The following CACNG2 variants were observed in gnomAD, a reference collection of about 807,000 sequenced individuals.
CACNG2 encodes calcium voltage-gated channel auxiliary subunit gamma 2.
CACNG2 carries 3 observed loss-of-function variants against 25.9 expected under a neutral mutation model. That is an observed-to-expected ratio of 0.12 (90% confidence interval 0.05 to 0.30). The LOEUF (loss-of-function observed/expected upper bound fraction) is 0.30. CACNG2 is among the 10% of genes least tolerant of loss of function. The pLI is 1.00. For synonymous variants in CACNG2, 167 were observed against 173.3 expected (o/e 0.96, Z 0.29); for missense variants, 341 against 432.5 (o/e 0.79, Z 1.88).
intron 2 of CACNG2, among the ~76,000 whole-genome samples, chr22:36,570,563 C>T (rs2145909101): frequency 6.6e-6 from 1 of 152,048 alleles, no homozygotes; most frequent in East Asian, 1.9e-4. Context: ...AGTTCGAGAC[C>T]AGCCTGGCTA....
intron 1 of CACNG2, among the ~76,000 whole-genome samples, chr22:36,659,689 G>T (rs543606903): frequency 1.3e-5 from 2 of 152,042 alleles, no homozygotes; most frequent in Non-Finnish European, 2.9e-5. Context: ...GGGGACACAG[G>T]CACACAGGTG....
chr22:36,609,474 G>A (rs1935895602), intron 1 of CACNG2, among the ~76,000 whole-genome samples: 1 of 128,292 alleles, frequency 7.8e-6, no homozygotes, highest in Non-Finnish European at 1.6e-5. Context: ...GATCGGGCAG[G>A]AATCAGCCCG....
At chr22:36,700,567 C>T (rs578037457) in intron 1 of CACNG2, among the ~76,000 whole-genome samples, 6 of 152,176 alleles carry the variant, frequency 3.9e-5, no homozygotes, top group African/African-American at 1.2e-4. Context: ...TTCCCTAAAG[C>T]GGTCCTCATT....
chr22:36,612,266 G>A (rs183239047), intron 1 of CACNG2, among the ~76,000 whole-genome samples: 75 of 152,272 alleles, frequency 4.9e-4, no homozygotes, highest in African/African-American at 1.8e-3. Context: ...TATCTACTGG[G>A]GTATTGGAAG....
At chr22:36,660,520 T>A (rs1307879629) in intron 1 of CACNG2, among the ~76,000 whole-genome samples, 1 of 152,276 alleles carries the variant, frequency 6.6e-6, no homozygotes, top group Non-Finnish European at 1.5e-5. Flanking sequence ...CTGGAATTCT[T>A]GCCAATGTGA....
intron 1 of CACNG2, among the ~76,000 whole-genome samples, chr22:36,679,523 TG>T: frequency 6.6e-6 from 1 of 152,316 alleles, no homozygotes; most frequent in Non-Finnish European, 1.5e-5. Context: ...CAATCAGTTA[TG>T]CATATGAAAT....
At chr22:36,605,299 C>A (rs931233331) in intron 1 of CACNG2, among the ~76,000 whole-genome samples, 6 of 151,920 alleles carry the variant, frequency 3.9e-5, no homozygotes, top group Non-Finnish European at 8.8e-5. Flanking sequence ...GGTCACGAAC[C>A]CTTGGCCTCA....
chr22:36,589,462 A>G (rs1332649636), intron 1 of CACNG2, among the ~76,000 whole-genome samples: 2 of 152,238 alleles, frequency 1.3e-5, no homozygotes, highest in Non-Finnish European at 2.9e-5. Context: ...CGTACTACGT[A>G]GGAATATAAG....
intron 1 of CACNG2, among the ~76,000 whole-genome samples, chr22:36,601,488 C>A (rs141125630): frequency 3.3e-5 from 5 of 151,848 alleles, no homozygotes; most frequent in East Asian, 3.9e-4. Flanking sequence ...GTGTAGATAC[C>A]TTTTTTATTT....
chr22:36,651,342 C>T (rs572636933), intron 1 of CACNG2, among the ~76,000 whole-genome samples: 8 of 148,366 alleles, frequency 5.4e-5, no homozygotes, highest in Non-Finnish European at 1.0e-4. Flanking sequence ...GATTCTCCTG[C>T]CTCAGCCTCC....
Position 36,681,834 on chromosome 22 carries a change from C to T in CACNG2, c.211+20532G>A, listed in dbSNP as rs143161408. The stretch of plus-strand genomic sequence containing the variant: ...ACTGAATGAAAAAATAAGGACTATA[C>T]AGTAGATCCCAGAGGATCCAGCCCA... On this transcript the variant is annotated intron_variant, in intron 1 of 3. Transcript: ENST00000300105. Among the ~76,000 whole-genome samples the T allele has an allele frequency of 6.1e-3, 924 of 152,238 alleles. 6 individuals are homozygous for T. Among genetic ancestry groups the T allele is most frequent in the African/African-American group, 0.022 (897 of 41,538 alleles).
At chr22:36,577,197 T>C (rs979728413) in intron 2 of CACNG2, among the ~76,000 whole-genome samples, 1 of 152,222 alleles carries the variant, frequency 6.6e-6, no homozygotes, top group Non-Finnish European at 1.5e-5. Context: ...ATGTCTGGTA[T>C]GCGAGGAGCA....
chr22:36,597,704 C>T (rs889125559), intron 1 of CACNG2, among the ~76,000 whole-genome samples: 2 of 152,194 alleles, frequency 1.3e-5, no homozygotes, highest in African/African-American at 4.8e-5. Flanking sequence ...CAGTGCTTTT[C>T]AGCATTTTAA....
At chr22:36,578,514 C>T (rs991341291) in intron 2 of CACNG2, among the ~76,000 whole-genome samples, 3 of 152,120 alleles carry the variant, frequency 2.0e-5, no homozygotes, top group Non-Finnish European at 2.9e-5. Flanking sequence ...TGTAACTTGC[C>T]AAAGGTCACA....
Position 36,587,513 on chromosome 22 carries a change from A to C in CACNG2, c.247T>G (p.Phe83Val), listed in dbSNP as rs1344623114. ...FKGLCKQIDH[F>V]PEDADYEADT... ...GCTTCGTAATCTGCATCCTCTGGGA[A>C]GTGATCAATTTGCTTGCACAGACCT... is the stretch of plus-strand genomic sequence containing the variant. Residue 83 changes from phenylalanine to valine, a missense_variant, in exon 2 of 4, where the codon TTC (phenylalanine) becomes GTC (valine). Coordinates refer to ENST00000300105, the MANE Select transcript of CACNG2 (RefSeq NM_006078.5). 1 of 1,613,674 alleles carries C rather than the reference A, an allele frequency of 6.2e-7. No homozygotes were observed. Among genetic ancestry groups the C allele is most frequent in the African/African-American group, 1.3e-5 (1 of 74,936 alleles).
At chr22:36,616,747 C>T (rs1936027295) in intron 1 of CACNG2, among the ~76,000 whole-genome samples, 1 of 152,176 alleles carries the variant, frequency 6.6e-6, no homozygotes, top group Admixed American at 6.5e-5. Flanking sequence ...TCTCCTTTCT[C>T]AGGACCTATT....
rs1451526926 is a variant in CACNG2, at chr22:36,576,138, C to T, written c.296-9645G>A. ...AAAATTGTGGAACCAACCCAAATAC[C>T]TATCCATCAATGAGTGGATAAAGAC... On this transcript the variant is annotated intron_variant, in intron 2 of 3. Transcript: ENST00000300105. 2.0e-5 allele frequency among the ~76,000 whole-genome samples: 3 copies of T among 152,314 alleles called. No homozygotes were observed. In the South Asian group the frequency reaches 6.2e-4, roughly 32 times the overall value.
At chr22:36,571,604 C>T (rs1000919292) in intron 2 of CACNG2, among the ~76,000 whole-genome samples, 5 of 150,464 alleles carry the variant, frequency 3.3e-5, no homozygotes, top group East Asian at 2.0e-4. Context: ...GGGCTGGGCT[C>T]GGTGGCTCAC....
At chr22:36,593,033 C>A (rs961147720) in intron 1 of CACNG2, among the ~76,000 whole-genome samples, 2 of 152,170 alleles carry the variant, frequency 1.3e-5, no homozygotes, top group African/African-American at 4.8e-5. Context: ...GTTTATAGAA[C>A]CTGAGAACAG....
Sources: allele counts gnomAD v4.1 joint callset (sites outside exome capture counted in the v4.1 genomes callset), GRCh38; gene constraint gnomAD v4.1.1; transcripts MANE v1.5; gene names NCBI Gene and HGNC (gene_info 2026-07-23, HGNC 2026-07-21).